The following SBF2 variants were observed in gnomAD, a reference collection of about 807,000 sequenced individuals.
The protein encoded by SBF2 is myotubularin-related protein 13.
SBF2 carries 112 observed loss-of-function variants against 225.2 expected under a neutral mutation model. The ratio of observed to expected loss-of-function variants is 0.50; its 90% CI spans 0.43 to 0.58. The LOEUF (loss-of-function observed/expected upper bound fraction) is 0.58, where lower values mean the gene tolerates loss of function less well. Among genes scored for constraint, SBF2 ranks in the 20% least tolerant of loss-of-function variants. The probability of loss-of-function intolerance (pLI) is 0.00; values close to 1 mark genes in which losing one functional copy is unlikely to be tolerated. For missense variants in SBF2, 1,996 were observed against 2,206.2 expected, an observed-to-expected ratio of 0.90 and a Z score of 1.91; for synonymous variants, 763 against 773.3, an observed-to-expected ratio of 0.99 and a Z score of 0.22.
Position 9,829,392 on chromosome 11 carries a change from T to C in SBF2, c.3757A>G (p.Thr1253Ala), listed in dbSNP as rs1564889918. The C allele has an allele frequency of 6.2e-7, 1 of 1,614,116 alleles. No homozygotes were observed. The highest frequency in any genetic ancestry group is 1.6e-4 in the Middle Eastern group (1 of 6,062). Reference protein sequence around the residue: ...SVHQKLRGNSTLTVRPAFALS... With the variant: ...SVHQKLRGNSALTVRPAFALS... ...GCAAAGGCTGGCCTGACAGTAAGAGTGCTGTTGCCTCTGAGTTTCTGATGG... is the reference window on the plus strand; with the variant it reads ...GCAAAGGCTGGCCTGACAGTAAGAGCGCTGTTGCCTCTGAGTTTCTGATGG... The change falls in exon 28 of 40, where the codon ACT becomes GCT. Residue 1253 changes from threonine to alanine, a missense_variant. Transcript: ENST00000256190.
At chr11:9,936,463 A>G (rs968799775) in intron 16 of SBF2, among the ~76,000 whole-genome samples, 33 of 152,232 alleles carry the variant, frequency 2.2e-4, no homozygotes, top group African/African-American at 7.7e-4. Context: ...GTATATACCC[A>G]AAGGATTATA....
At chr11:10,201,590 G>A (rs1407439384) in intron 1 of SBF2, among the ~76,000 whole-genome samples, 1 of 152,204 alleles carries the variant, frequency 6.6e-6, no homozygotes, top group African/African-American at 2.4e-5. Flanking sequence ...GGAATGTAAT[G>A]TGATTTTCTG....
intron 2 of SBF2, among the ~76,000 whole-genome samples, chr11:10,184,328 T>C (rs1474746274): frequency 1.3e-5 from 2 of 152,204 alleles, no homozygotes; most frequent in African/African-American, 4.8e-5. Context: ...AACCAGGTAG[T>C]ATAAGTCTTC....
intron 13 of SBF2, among the ~76,000 whole-genome samples, chr11:9,978,812 A>G (rs1946813690): frequency 1.3e-5 from 2 of 152,126 alleles, no homozygotes; most frequent in African/African-American, 2.4e-5. Flanking sequence ...CCTGGGCAAC[A>G]CGGTGAAACT....
intron 1 of SBF2, among the ~76,000 whole-genome samples, chr11:10,269,602 A>C (rs1962300021): frequency 1.3e-5 from 2 of 152,230 alleles, no homozygotes; most frequent in African/African-American, 4.8e-5. Flanking sequence ...TAACTCATTT[A>C]ATCTTCACAA....
chr11:9,986,345 C>G (rs781038992), intron 13 of SBF2, among the ~76,000 whole-genome samples: 4 of 152,008 alleles, frequency 2.6e-5, no homozygotes, highest in Admixed American at 2.6e-4. Context: ...AGAGCACAAA[C>G]AGACAATCTA....
intron 9 of SBF2, among the ~76,000 whole-genome samples, chr11:9,997,549 C>T (rs1398381410): frequency 5.9e-5 from 9 of 152,278 alleles, no homozygotes; most frequent in African/African-American, 1.4e-4. Flanking sequence ...GAGGCCAAAG[C>T]GGGCAGATCA....
At chr11:9,932,204 T>G (rs575010292) in intron 16 of SBF2, among the ~76,000 whole-genome samples, 1 of 152,236 alleles carries the variant, frequency 6.6e-6, no homozygotes, top group East Asian at 1.9e-4. Context: ...TGGAAAACAC[T>G]CTTCAGGATA....
chr11:10,077,655 T>A (rs1951174280), intron 2 of SBF2, among the ~76,000 whole-genome samples: 1 of 152,186 alleles, frequency 6.6e-6, no homozygotes, highest in Non-Finnish European at 1.5e-5. Context: ...ATTAAAGACT[T>A]AAATGTTAGA....
chr11:10,013,017 G>T (rs1445648718), intron 6 of SBF2, among the ~76,000 whole-genome samples: 2 of 152,090 alleles, frequency 1.3e-5, no homozygotes, highest in Non-Finnish European at 2.9e-5. Flanking sequence ...ATTTTGCATG[G>T]GTTGGAGCAC....
chr11:10,263,175 C>A (rs185951489), intron 1 of SBF2, among the ~76,000 whole-genome samples: 1 of 151,812 alleles, frequency 6.6e-6, no homozygotes, highest in African/African-American at 2.4e-5. Context: ...CTTCTGTTAT[C>A]CTTTTAAATA....
intron 1 of SBF2, among the ~76,000 whole-genome samples, chr11:10,263,022 C>T (rs921783852): frequency 9.9e-5 from 15 of 151,948 alleles, no homozygotes; most frequent in African/African-American, 3.6e-4. Context: ...GTGTTCAATA[C>T]AACATTTAAT....
At position 9,842,753 on chromosome 11, in the gene SBF2, A is replaced by G; in HGVS notation, c.3128T>C (p.Ile1043Thr). The change falls in exon 25 of 40, where the codon ATT (isoleucine) becomes ACT (threonine). Residue 1043 changes from isoleucine (I) to threonine (T), a missense_variant. Ile to Thr is a moderately conservative substitution (Grantham distance 89, BLOSUM62 -1). Transcript: ENST00000256190. Reference protein sequence around the residue: ...NTSFRTFSKTIVKGAKRAGKM... With the variant: ...NTSFRTFSKTTVKGAKRAGKM... ...CCCTGCCCTTTTGGCACCTTTCACAATTGTTTTTGAGAAGGTACTACAAGT... is the reference window on the plus strand; with the variant it reads ...CCCTGCCCTTTTGGCACCTTTCACAGTTGTTTTTGAGAAGGTACTACAAGT... The G allele has an allele frequency of 1.2e-6, 2 of 1,614,012 alleles. No individual in the cohort carries two copies. Among genetic ancestry groups the G allele is most frequent in the Non-Finnish European group, 1.7e-6 (2 of 1,179,980 alleles).
chr11:10,096,726 T>C (rs1471912419), intron 2 of SBF2, among the ~76,000 whole-genome samples: 1 of 152,168 alleles, frequency 6.6e-6, no homozygotes. Flanking sequence ...CAATAGTACA[T>C]TTGTGACAAT....
rs548263379 is a variant in SBF2 at position 9,968,668 on chromosome 11, C to T, written c.1396-123G>A. On this transcript the variant is annotated intron_variant, in intron 13 of 39. Coordinates refer to ENST00000256190, the MANE Select transcript of SBF2 (RefSeq NM_030962.4). ...GTTATACATACATTCATATATACGCCATAAAACATGAAGTACCAAAATCTT... is the reference window on the plus strand; with the variant it reads ...GTTATACATACATTCATATATACGCTATAAAACATGAAGTACCAAAATCTT... 42 of 805,372 alleles carry T rather than the reference C, an allele frequency of 5.2e-5. No homozygotes were observed. The South Asian group carries it at 5.8e-4, about 11-fold the overall frequency. 49.9% of individuals were successfully genotyped at this position (805,372 alleles called of 1,614,324 possible).
rs200969411 is a variant in SBF2 at position 10,028,537 on chromosome 11, T to G, written c.534A>C (p.Ala178=). The G allele has an allele frequency of 6.2e-7, 1 of 1,612,974 alleles. No individual in the cohort carries two copies. The highest frequency in any genetic ancestry group is 2.2e-5 in the East Asian group (1 of 44,852). The change falls in exon 6 of 40, where the codon GCA becomes GCC. Residue 178 remains alanine (A), a synonymous_variant. Coordinates refer to ENST00000256190, the MANE Select transcript of SBF2 (RefSeq NM_030962.4). ...GGSQKLFSLG[A]GDRQLIQTPL... The stretch of plus-strand genomic sequence containing the variant: ...GAGTCTGGATCAACTGTCTATCTCC[T>G]GCACCCAAAGAAAACAGCTTCTGCA...
intron 2 of SBF2, among the ~76,000 whole-genome samples, chr11:10,067,216 C>G (rs1404782802): frequency 6.6e-6 from 1 of 152,112 alleles, no homozygotes; most frequent in African/African-American, 2.4e-5. Context: ...AAATAAGACC[C>G]AAACAAATAG....
intron 16 of SBF2, chr11:9,958,871 A>G (rs1205056178): frequency 3.0e-6 from 2 of 669,662 alleles, no homozygotes; most frequent in African/African-American, 1.8e-5. Flanking sequence ...CTCCTGGCCA[A>G]CAGTCTGGGG....
intron 6 of SBF2, among the ~76,000 whole-genome samples, chr11:10,009,244 A>G (rs1948336362): frequency 6.6e-6 from 1 of 152,082 alleles, no homozygotes; most frequent in East Asian, 1.9e-4. Context: ...AAACAGTTAA[A>G]CTTATTGCTT....
Sources: allele counts gnomAD v4.1 joint callset (sites outside exome capture counted in the v4.1 genomes callset), GRCh38; gene constraint gnomAD v4.1.1; transcripts MANE v1.5; gene names NCBI Gene and HGNC (gene_info 2026-07-23, HGNC 2026-07-21).